SAXO1: variants seen among roughly 807,000 people sequenced by gnomAD.
The protein encoded by SAXO1 is stabilizer of axonemal microtubules 1, also known as 4930500O09Rik.
SAXO1 carries 21 observed loss-of-function variants against 17.5 expected under a neutral mutation model. The ratio of observed to expected loss-of-function variants is 1.20; its 90% CI spans 0.85 to 1.72. The LOEUF (loss-of-function observed/expected upper bound fraction) is 1.72. SAXO1 is among the 40% of genes most tolerant of loss of function. The pLI, the probability that SAXO1 is intolerant of heterozygous loss-of-function variation, is 0.00. For missense variants in SAXO1, 843 were observed against 596.0 expected (o/e 1.41, Z -4.32); for synonymous variants, 274 against 216.5 (o/e 1.27, Z -2.33).
intron 1 of SAXO1, among the ~76,000 whole-genome samples, chr9:19,014,189 G>A (rs374737273): frequency 2.6e-5 from 4 of 151,958 alleles, no homozygotes; most frequent in Non-Finnish European, 4.4e-5. Flanking sequence ...CACCGGGTAC[G>A]GTGGCTCACA....
intron 2 of SAXO1, 73 bp from the exon 3 acceptor site, chr9:18,941,912 C>G: frequency 7.1e-7 from 1 of 1,410,888 alleles, no homozygotes; most frequent in Non-Finnish European, 1.0e-6. Context: ...CTCAACCCAA[C>G]TCTACAAACA....
chr9:19,032,816 C>T (rs1243791393), intron 1 of SAXO1, 55 bp downstream of exon 1: 16 of 1,588,212 alleles, frequency 1.0e-5, no homozygotes, highest in Non-Finnish European at 1.2e-5. Context: ...TTCCCTTCCT[C>T]GGGAGTCTGA....
At position 18,997,213 on chromosome 9, in the gene SAXO1, T is replaced by A. The variant is rs117090624; in HGVS notation, c.38+35658A>T. Among the ~76,000 whole-genome samples, 195 of 152,334 alleles carry A rather than the reference T, an allele frequency of 1.3e-3. No individual in the cohort carries two copies. The East Asian group carries it at 0.027, about 21-fold the overall frequency. On this transcript the variant is annotated intron_variant, in intron 1 of 3. Transcript: ENST00000380534. Reference sequence around the variant, plus strand: ...AACCAAGGGAAGCCATGAGTGACTATACCTGGAGGAACCGTACACTCCTGC... The same window carrying A: ...AACCAAGGGAAGCCATGAGTGACTAAACCTGGAGGAACCGTACACTCCTGC...
chr9:19,020,161 C>G (rs906789131), intron 1 of SAXO1, among the ~76,000 whole-genome samples: 10 of 152,138 alleles, frequency 6.6e-5, no homozygotes, highest in Admixed American at 6.5e-4. Context: ...ATCATACCCT[C>G]AGATCACATA....
intron 3 of SAXO1, among the ~76,000 whole-genome samples, chr9:18,939,496 C>A (rs1374387825): frequency 1.3e-5 from 2 of 152,220 alleles, no homozygotes; most frequent in Non-Finnish European, 2.9e-5. Context: ...TAGCATCCAG[C>A]CTGACATGGC....
intron 1 of SAXO1, among the ~76,000 whole-genome samples, chr9:19,004,733 G>A (rs1007256801): frequency 1.3e-5 from 2 of 152,160 alleles, no homozygotes; most frequent in African/African-American, 4.8e-5. Flanking sequence ...AGGGGGCAAG[G>A]GGAGGGATAG....
chr9:18,948,387 A>T (rs535594417), intron 2 of SAXO1, among the ~76,000 whole-genome samples: 2 of 152,304 alleles, frequency 1.3e-5, no homozygotes, highest in East Asian at 3.9e-4. Flanking sequence ...CCCTGTGGAC[A>T]ACCTTGATCC....
At chr9:19,031,283 AGGCCTTAGT>A (rs1162179389) in intron 1 of SAXO1, among the ~76,000 whole-genome samples, 1 of 152,346 alleles carries the variant, frequency 6.6e-6, no homozygotes, top group East Asian at 1.9e-4. Flanking sequence ...AGTAGAAAGA[AGGCCTTAGT>A]GGCTCATGCC....
intron 1 of SAXO1, among the ~76,000 whole-genome samples, chr9:18,962,115 A>G (rs1488114223): frequency 6.6e-6 from 1 of 152,108 alleles, no homozygotes; most frequent in Admixed American, 6.6e-5. Flanking sequence ...TTGCCCAAGC[A>G]GGAGTGTAAT....
intron 1 of SAXO1, among the ~76,000 whole-genome samples, chr9:18,967,275 T>C (rs1832756768): frequency 6.6e-6 from 1 of 152,214 alleles, no homozygotes; most frequent in Admixed American, 6.5e-5. Flanking sequence ...TCGACAGCTG[T>C]CCTGGGAGAT....
At chr9:19,034,341 G>C (rs1835879161), upstream of SAXO1, among the ~76,000 whole-genome samples, 1 of 147,426 alleles carries the variant, frequency 6.8e-6, no homozygotes, top group Admixed American at 6.6e-5. Context: ...ATTGTCTGCA[G>C]TTGGCCACTT....
At chr9:19,048,387 G>T (rs1290814910) in intron 1 of SAXO1, among the ~76,000 whole-genome samples, 2 of 152,260 alleles carry the variant, frequency 1.3e-5, no homozygotes, top group Admixed American at 6.5e-5. Context: ...AACTCAGGAG[G>T]CGTAGGTTGC....
At chr9:18,992,212 T>G (rs960124642) in intron 1 of SAXO1, among the ~76,000 whole-genome samples, 13 of 152,126 alleles carry the variant, frequency 8.5e-5, no homozygotes, top group African/African-American at 2.9e-4. Context: ...AACCAGAAGT[T>G]TATTGGCTTA....
At chr9:18,957,726 T>C (rs1247254784) in intron 1 of SAXO1, among the ~76,000 whole-genome samples, 1 of 152,128 alleles carries the variant, frequency 6.6e-6, no homozygotes, top group Non-Finnish European at 1.5e-5. Context: ...CTCTGGATAC[T>C]ACAGGCAAGG....
At chr9:18,953,059 T>A (rs1304437460) in intron 1 of SAXO1, among the ~76,000 whole-genome samples, 1 of 152,202 alleles carries the variant, frequency 6.6e-6, no homozygotes, top group Non-Finnish European at 1.5e-5. Context: ...AGATTTCAAT[T>A]TAAGCCAACT....
intron 1 of SAXO1, among the ~76,000 whole-genome samples, chr9:18,990,177 T>C (rs1418848461): frequency 2.0e-5 from 3 of 152,094 alleles, no homozygotes; most frequent in Admixed American, 6.5e-5. Flanking sequence ...ACTTTTTTTT[T>C]TTTTTTCCTA....
intron 1 of SAXO1, among the ~76,000 whole-genome samples, chr9:19,045,903 C>T (rs1564000086): frequency 6.6e-6 from 1 of 151,984 alleles, no homozygotes; most frequent in African/African-American, 2.4e-5. Flanking sequence ...GGCTCACCAA[C>T]ATGGAGAAAC....
chr9:19,036,843 A>G (rs111916690), upstream of SAXO1, among the ~76,000 whole-genome samples: 17,961 of 152,182 alleles, frequency 0.12, 1,120 homozygotes, highest in Admixed American at 0.14. Flanking sequence ...CCAGACCCCA[A>G]AATGGGAGAT....
intron 1 of SAXO1, among the ~76,000 whole-genome samples, chr9:19,024,324 C>G (rs933072877): frequency 6.6e-6 from 1 of 151,918 alleles, no homozygotes; most frequent in African/African-American, 2.4e-5. Context: ...TCACACCAAC[C>G]TTAAGAATAT....
Sources: gnomAD v4.1 joint callset for allele counts (sites outside exome capture counted in the v4.1 genomes callset) on GRCh38, gnomAD v4.1.1 for gene constraint, MANE v1.5 for transcripts, NCBI Gene and HGNC (gene_info 2026-07-23, HGNC 2026-07-21) for gene names.